NAV1: variants seen among roughly 807,000 people sequenced by gnomAD.
NAV1 encodes pore membrane and/or filament interacting like protein 3.
A neutral mutation model predicts 175.2 loss-of-function variants in NAV1; 18 were observed. That is an observed-to-expected ratio of 0.10 (90% CI 0.07 to 0.15). NAV1 has a LOEUF of 0.15. Ranked by LOEUF, NAV1 falls within the 10% of genes least tolerant of loss-of-function variation. The pLI is 1.00. For missense variants in NAV1, 1,731 were observed against 2,436.6 expected, an observed-to-expected ratio of 0.71 and a Z score of 6.10; for synonymous variants, 897 against 978.7, an observed-to-expected ratio of 0.92 and a Z score of 1.56.
At chr1:201,618,623 G>T (rs982336890), upstream of NAV1, among the ~76,000 whole-genome samples, 1 of 152,024 alleles carries the variant, frequency 6.6e-6, no homozygotes, top group Non-Finnish European at 1.5e-5. Context: ...GTGGCCAAGG[G>T]GATCCACCCT....
chr1:201,556,830 C>T (rs931500764), intron 1 of NAV1, among the ~76,000 whole-genome samples: 6 of 152,340 alleles, frequency 3.9e-5, no homozygotes, highest in East Asian at 1.9e-4. Context: ...GTGTGGAAAA[C>T]GGGTCTCAAG....
intron 15 of NAV1, among the ~76,000 whole-genome samples, chr1:201,801,421 C>T (rs1677859744): frequency 6.6e-6 from 1 of 152,202 alleles, no homozygotes; most frequent in African/African-American, 2.4e-5. Context: ...TACTACTCCC[C>T]TTCCTCTAGT....
chr1:201,550,947 C>G (rs1451098083), intron 1 of NAV1, among the ~76,000 whole-genome samples: 1 of 152,232 alleles, frequency 6.6e-6, no homozygotes, highest in Non-Finnish European at 1.5e-5. Context: ...CTTCCTCAGG[C>G]CTTCACTGCA....
rs574856290 is a variant in NAV1 at position 201,596,157 on chromosome 1, G to A, written c.-33+7508G>A. ...GGGTTTTGTGAAAATGAAATGAGTT[G>A]ATACACATAAAATGCTGGAAGCAAT... On this transcript the variant is annotated intron_variant, in intron 2 of 33. Coordinates refer to the NAV1 transcript ENST00000685211. Among the ~76,000 whole-genome samples, 44 of 152,354 alleles carry A rather than the reference G, an allele frequency of 2.9e-4. No homozygotes were observed. The South Asian group carries it at 6.8e-3, about 24-fold the overall frequency.
upstream of NAV1, among the ~76,000 whole-genome samples, chr1:201,620,126 A>G (rs1668116813): frequency 6.6e-6 from 1 of 152,238 alleles, no homozygotes; most frequent in South Asian, 2.1e-4. Flanking sequence ...CTTATAGCTT[A>G]GGCTGTAACT....
chr1:201,718,618 C>T lies in NAV1; in HGVS notation c.1089C>T (p.Pro363=). Residue 363 remains proline (P), a synonymous_variant, in exon 3 of 30, where the codon CCC becomes CCT. Transcript: ENST00000367296. The surrounding 1 kb of genome is among the most constrained non-coding windows in gnomAD (Gnocchi z 4.8). Reference sequence around the variant, plus strand: ...CCCACACCATGCCCATGCGCAGCCCCAGCAAGCTCAGCCATATCTCCCGCC... The same window carrying T: ...CCCACACCATGCCCATGCGCAGCCCTAGCAAGCTCAGCCATATCTCCCGCC... 6.2e-7 allele frequency: 1 copy of T among 1,614,218 alleles called. No homozygotes were observed. The highest frequency in any genetic ancestry group is 8.5e-7 in the Non-Finnish European group (1 of 1,180,040).
intron 22 of NAV1, 43 bp downstream of exon 26, chr1:201,809,580 T>C: frequency 6.4e-7 from 1 of 1,565,578 alleles, no homozygotes; most frequent in Non-Finnish European, 8.8e-7. Flanking sequence ...CATCCTCTCG[T>C]GGAATATATA....
At chr1:201,809,355 G>T (rs1161041897) in intron 21 of NAV1, 87 bp from the exon 26 acceptor site, 9 of 1,586,286 alleles carry the variant, frequency 5.7e-6, no homozygotes, top group Non-Finnish European at 6.9e-6. Flanking sequence ...CAAAACCAAA[G>T]AACTCAACTC....
intron 3 of NAV1, among the ~76,000 whole-genome samples, chr1:201,768,641 T>TA (rs71281169): frequency 0.27 from 30,469 of 114,002 alleles, 4,465 homozygotes; most frequent in Non-Finnish European, 0.37. Flanking sequence ...TTGTCTCAAT[T>TA]AAAAAAAAAA....
chr1:201,812,576 GCTT>G lies in NAV1; in HGVS notation c.5138_5140del (p.Leu1713del). 1 of 1,614,226 alleles carries G rather than the reference GCTT, an allele frequency of 6.2e-7. No individual in the cohort carries two copies. Among genetic ancestry groups the G allele is most frequent in the Non-Finnish European group, 8.5e-7 (1 of 1,180,036 alleles). On this transcript the variant is annotated inframe_deletion, in exon 27 of 30. Transcript: ENST00000367296. This position sits in a 1 kb window ranked among gnomAD's most constrained non-coding sequence, Gnocchi z 4.6. ...ACATCAATGCCAACAAGGAAGAGCT[GCTT>G]CGGGTGCTCGACTGGGTACCCAAGC...
chr1:201,817,266 C>A, exon 29 of NAV1: 1 of 1,614,126 alleles, frequency 6.2e-7, no homozygotes, highest in Non-Finnish European at 8.5e-7. Flanking sequence ...ACCCCAAGTT[C>A]TCTGGACTCA....
chr1:201,656,153 G>A (rs909010114), intron 1 of NAV1, among the ~76,000 whole-genome samples: 6 of 152,258 alleles, frequency 3.9e-5, no homozygotes, highest in Non-Finnish European at 8.8e-5. Flanking sequence ...GCTCGGCAGG[G>A]TCTGGGCCTT....
chr1:201,602,391 G>T (rs1399427290), intron 2 of NAV1, among the ~76,000 whole-genome samples: 1 of 152,122 alleles, frequency 6.6e-6, no homozygotes, highest in Non-Finnish European at 1.5e-5. Context: ...ACCCAGGCGG[G>T]AGTACAGTGG....
exon 30 of NAV1, chr1:201,825,307 A>G (rs1383218302): frequency 6.7e-6 from 1 of 150,336 alleles, no homozygotes; most frequent in Non-Finnish European, 1.5e-5. Flanking sequence ...CGAGCTGATT[A>G]TGTAATAGGA....
exon 25 of NAV1, chr1:201,811,608 G>A: frequency 6.2e-7 from 1 of 1,614,094 alleles, no homozygotes; most frequent in Non-Finnish European, 8.5e-7. Context: ...TCCAGGATCT[G>A]CAACTGTATC....
intron 3 of NAV1, among the ~76,000 whole-genome samples, chr1:201,778,240 A>C (rs1368246569): frequency 1.3e-5 from 2 of 152,136 alleles, no homozygotes; most frequent in Non-Finnish European, 2.9e-5. Flanking sequence ...ACTTTCCATA[A>C]ATGTGGGGCA....
chr1:201,684,587 G>C (rs1670601579), intron 1 of NAV1, among the ~76,000 whole-genome samples: 1 of 148,452 alleles, frequency 6.7e-6, no homozygotes, highest in South Asian at 2.2e-4. Context: ...CGATTCTCCT[G>C]CCTCAGCCTC....
At chr1:201,798,758 A>C (rs544774229) in intron 15 of NAV1, 2 of 112,486 alleles carry the variant, frequency 1.8e-5, no homozygotes, top group African/African-American at 7.0e-5. Flanking sequence ...ACTGGAGTGC[A>C]GTGGTACAAT....
At chr1:201,659,080 G>T (rs1054620648) in intron 1 of NAV1, among the ~76,000 whole-genome samples, 1 of 152,206 alleles carries the variant, frequency 6.6e-6, no homozygotes, top group Non-Finnish European at 1.5e-5. Context: ...CCTGGGAAGT[G>T]CTCTGCTGAA....
Sources: gnomAD v4.1 joint callset for allele counts (sites outside exome capture counted in the v4.1 genomes callset) on GRCh38, gnomAD v4.1.1 for gene constraint, Gnocchi (gnomAD v3.1) non-coding constraint, MANE v1.5 for transcripts, NCBI Gene and HGNC (gene_info 2026-07-23, HGNC 2026-07-21) for gene names.